Variants in SPAG17 observed in about 807,000 individuals in gnomAD.
The protein encoded by SPAG17 is sperm associated antigen 17, also known as sperm-associated antigen 17.
A neutral mutation model predicts 273.6 loss-of-function variants in SPAG17; 169 were observed. The observed-to-expected ratio is 0.62, with a 90% CI of 0.55 to 0.70. SPAG17 has a LOEUF of 0.70. Among genes scored for constraint, SPAG17 ranks in the 30% least tolerant of loss-of-function variants. SPAG17 has a pLI of 0.00. For synonymous variants in SPAG17, 825 were observed against 873.2 expected, an observed-to-expected ratio of 0.94 and a Z score of 0.97; for missense variants, 2,557 against 2,627.8, an observed-to-expected ratio of 0.97 and a Z score of 0.59.
chr1:118,002,463 T>C (rs1321444467), intron 32 of SPAG17, among the ~76,000 whole-genome samples: 2 of 152,202 alleles, frequency 1.3e-5, no homozygotes, highest in Non-Finnish European at 2.9e-5. Context: ...AGTCTAAGTC[T>C]CTTTGTAGGT....
rs754250197 is a variant in SPAG17 at position 118,081,669 on chromosome 1, T to C, written c.1763-27A>G. ...TGTAAGAAAGCAGAACCAGTGCTGC[T>C]GGAAATGTTCTTATTAGCACATGGT... On this transcript the variant is annotated intron_variant, in intron 13 of 48. Coordinates refer to ENST00000336338, the MANE Select transcript of SPAG17 (RefSeq NM_206996.4). 8 of 1,589,328 alleles carry C rather than the reference T, an allele frequency of 5.0e-6. No individual in the cohort carries two copies. The South Asian group carries it at 8.8e-5, about 18-fold the overall frequency.
chr1:118,148,244 G>A (rs1053087323), intron 3 of SPAG17, among the ~76,000 whole-genome samples: 18 of 152,152 alleles, frequency 1.2e-4, no homozygotes, highest in African/African-American at 4.3e-4. Context: ...CTTCCAGTGG[G>A]TTCCTCGTCT....
At chr1:117,964,934 G>A (rs993323405) in intron 47 of SPAG17, 4 of 152,084 alleles carry the variant, frequency 2.6e-5, no homozygotes, top group Admixed American at 2.6e-4. Flanking sequence ...GGATATTGCA[G>A]TTTCAATCAC....
intron 46 of SPAG17, among the ~76,000 whole-genome samples, chr1:117,969,625 G>A (rs1288990874): frequency 6.6e-6 from 1 of 151,980 alleles, no homozygotes; most frequent in African/African-American, 2.4e-5. Context: ...TGATTTCTTA[G>A]TATGGCATTA....
intron 43 of SPAG17, among the ~76,000 whole-genome samples, chr1:117,976,146 C>G (rs1265544020): frequency 6.6e-6 from 1 of 152,190 alleles, no homozygotes; most frequent in Non-Finnish European, 1.5e-5. Flanking sequence ...CTATACTAGA[C>G]TGCCTCCCAT....
At position 118,110,987 on chromosome 1, in the gene SPAG17, C is replaced by T. The variant is rs1467737422; in HGVS notation, c.447+4323G>A. On this transcript the variant is annotated intron_variant, in intron 4 of 48. Transcript: ENST00000336338. ...CTTTTCATACCCTCAGTTTCCCCAT[C>T]TGCAAACTCAGAATAATACTCTGTA... Among the ~76,000 whole-genome samples the T allele has an allele frequency of 2.0e-5, 3 of 152,128 alleles. No homozygotes were observed. The East Asian group carries it at 5.8e-4, about 29-fold the overall frequency.
In SPAG17 at chr1:118,101,938, G is replaced by T; in HGVS notation, c.448-12C>A. ...TTGTCTTCTATTACCTGGAATGAGA[G>T]AACACTTTTTTCTCCAAATCAAACA... On this transcript the variant is annotated splice_polypyrimidine_tract_variant and intron_variant, in intron 4 of 48. Coordinates refer to ENST00000336338, the MANE Select transcript of SPAG17 (RefSeq NM_206996.4). 1 of 1,602,554 alleles carries T rather than the reference G, an allele frequency of 6.2e-7. No individual in the cohort carries two copies. The highest frequency in any genetic ancestry group is 1.3e-5 in the African/African-American group (1 of 74,098).
intron 10 of SPAG17, 108 bp downstream of exon 10, chr1:118,091,498 T>C (rs143590887): frequency 2.2e-5 from 14 of 641,476 alleles, no homozygotes; most frequent in Admixed American, 1.5e-4. Flanking sequence ...TAAAGGAGAA[T>C]GCACTTAGGT....
Position 118,099,818 on chromosome 1 carries a change from A to G in SPAG17, c.635-18T>C. 6.2e-7 allele frequency: 1 copy of G among 1,606,032 alleles called. No individual in the cohort carries two copies. Among genetic ancestry groups the G allele is most frequent in the Non-Finnish European group, 8.5e-7 (1 of 1,175,428 alleles). ...CTCATCGTCTGTTCAAAATACCATA[A>G]AGAAGAGCAGCCATCATTGTAAAAG... is the stretch of plus-strand genomic sequence containing the variant. On this transcript the variant is annotated intron_variant, in intron 5 of 48. Transcript: ENST00000336338.
intron 44 of SPAG17, among the ~76,000 whole-genome samples, chr1:117,972,923 T>A (rs1203476242): frequency 6.6e-6 from 1 of 152,160 alleles, no homozygotes; most frequent in Non-Finnish European, 1.5e-5. Context: ...TGAATTATAG[T>A]GAGTTTGACT....
chr1:118,112,083 A>ATT, intron 4 of SPAG17, among the ~76,000 whole-genome samples: 1 of 152,244 alleles, frequency 6.6e-6, no homozygotes, highest in Middle Eastern at 3.4e-3. Context: ...AATTATTTAA[A>ATT]TAGTTAATGA....
chr1:118,042,210 C>A (rs564510737), intron 20 of SPAG17, among the ~76,000 whole-genome samples, 168 bp from the exon 21 acceptor site: 1 of 152,286 alleles, frequency 6.6e-6, no homozygotes, highest in Non-Finnish European at 1.5e-5. Context: ...CTTTCTCACT[C>A]AACTTCTGTC....
chr1:118,091,009 A>G (rs1270676786), intron 10 of SPAG17, among the ~76,000 whole-genome samples: 3 of 152,176 alleles, frequency 2.0e-5, no homozygotes, highest in Non-Finnish European at 1.5e-5. Flanking sequence ...GAAAAGACCA[A>G]TACAATAGCT....
intron 7 of SPAG17, among the ~76,000 whole-genome samples, chr1:118,095,862 T>G (rs1655674705): frequency 6.6e-6 from 1 of 152,056 alleles, no homozygotes; most frequent in Admixed American, 6.5e-5. Context: ...GGTCCTTCTC[T>G]GAGGTCAGGT....
chr1:117,977,630 T>C (rs897530313), intron 43 of SPAG17, among the ~76,000 whole-genome samples: 4 of 152,240 alleles, frequency 2.6e-5, no homozygotes, highest in Non-Finnish European at 1.5e-5. Context: ...TCTGAATTTC[T>C]TTAAACTTTT....
intron 13 of SPAG17, among the ~76,000 whole-genome samples, chr1:118,082,153 A>T (rs1193137402): frequency 1.3e-5 from 2 of 152,326 alleles, no homozygotes; most frequent in South Asian, 2.1e-4. Flanking sequence ...AAAGTTTATC[A>T]GCTTTCAGCA....
chr1:117,992,701 A>C, intron 35 of SPAG17, 53 bp from the exon 36 acceptor site: 1 of 1,411,840 alleles, frequency 7.1e-7, no homozygotes, highest in Non-Finnish European at 9.3e-7. Context: ...ATGTTTTCAC[A>C]TTCAAATTTT....
At chr1:118,011,310 T>C (rs1659440984) in intron 30 of SPAG17, among the ~76,000 whole-genome samples, 1 of 152,118 alleles carries the variant, frequency 6.6e-6, no homozygotes, top group African/African-American at 2.4e-5. Flanking sequence ...AGTAAAGATA[T>C]GGAATCAACC....
intron 2 of SPAG17, 89 bp downstream of exon 2, chr1:118,151,140 A>G: frequency 8.7e-7 from 1 of 1,154,496 alleles, no homozygotes; most frequent in Admixed American, 3.7e-5. Context: ...AAAACAGCCC[A>G]AGAATATGAT....
Sources: allele counts gnomAD v4.1 joint callset (sites outside exome capture counted in the v4.1 genomes callset), GRCh38; gene constraint gnomAD v4.1.1; transcripts MANE v1.5; gene names NCBI Gene and HGNC (gene_info 2026-07-23, HGNC 2026-07-21).